Variants in NR4A2 observed in about 807,000 individuals in gnomAD.
NR4A2 encodes NGFI-B/nur77 beta-type transcription factor homolog.
In NR4A2, 1 loss-of-function variant was observed where a neutral mutation model predicts 50.5. The observed-to-expected ratio is 0.02, with a 90% CI of 0.01 to 0.09. NR4A2 has a LOEUF of 0.09. NR4A2 is among the 10% of genes least tolerant of loss of function. NR4A2 has a pLI of 1.00. For synonymous variants in NR4A2, 328 were observed against 309.4 expected (o/e 1.06, Z -0.63); for missense variants, 613 against 777.3 (o/e 0.79, Z 2.51).
chr2:156,329,175 C>G lies in NR4A2; in HGVS notation c.864+148G>C. The G allele has an allele frequency of 8.5e-7, 1 of 1,180,318 alleles. No individual in the cohort carries two copies. The highest frequency in any genetic ancestry group is 1.2e-6 in the Non-Finnish European group (1 of 825,528). The allele number at this position is 1,180,318 out of a possible 1,614,324, so 73.1% of individuals were successfully genotyped here. A position where few individuals can be genotyped will look rare whatever the true frequency, so the allele number is the denominator to read the frequency against. On this transcript the variant is annotated intron_variant, in intron 3 of 7. Transcript: ENST00000339562. The surrounding 1 kb of genome is among the most constrained non-coding windows in gnomAD (Gnocchi z 7.5). ...AGTCCCCGCCGCAGCCCATGGTCTC[C>G]TGCAGGGCAGCTTCGGCGGACCCCG...
Position 156,326,615 on chromosome 2 carries a change from T to C in NR4A2, c.1361+103A>G, listed in dbSNP as rs1553456009. The C allele has an allele frequency of 2.3e-6, 3 of 1,285,658 alleles. No individual in the cohort carries two copies. The highest frequency in any genetic ancestry group is 2.3e-5 in the East Asian group (1 of 43,418). The allele number at this position is 1,285,658 out of a possible 1,614,324, so 79.6% of individuals were successfully genotyped here. The stretch of plus-strand genomic sequence containing the variant: ...TCTCCGACTTCCATTTCCTATTCTG[T>C]CTTTTTCTCTACCCCACCCTCTGGT... On this transcript the variant is annotated intron_variant, in intron 6 of 7. Transcript: ENST00000339562. The surrounding 1 kb of genome is among the most constrained non-coding windows in gnomAD (Gnocchi z 4.2).
intron 5 of NR4A2, 81 bp downstream of exon 5, chr2:156,327,770 G>C: frequency 6.6e-7 from 1 of 1,515,262 alleles, no homozygotes; most frequent in Non-Finnish European, 9.0e-7. Flanking sequence ...CGTTGAATCT[G>C]AGAGTTAATG....
At position 156,327,924 on chromosome 2, in the gene NR4A2, A is replaced by T; in HGVS notation, c.1085T>A (p.Val362Glu). 1.3e-6 allele frequency: 2 copies of T among 1,595,476 alleles called. No homozygotes were observed. The highest frequency in any genetic ancestry group is 1.7e-6 in the Non-Finnish European group (2 of 1,170,182). The change falls in exon 5 of 8, where the codon GTG becomes GAG. Residue 362 changes from valine to glutamate, a missense_variant. Transcript: ENST00000339562. ...PQEPSPPSPP[V>E]SLISALVRAH... The stretch of plus-strand genomic sequence containing the variant: ...CCTGACGAGGGCACTGATCAGACTC[A>T]CCGGGGGCGAAGGGGGAGAGGGCTC...
Position 156,329,843 on chromosome 2 carries a change from G to C in NR4A2, c.344C>G (p.Pro115Arg). The C allele has an allele frequency of 6.2e-7, 1 of 1,614,170 alleles. No homozygotes were observed. Among genetic ancestry groups the C allele is most frequent in the Non-Finnish European group, 8.5e-7 (1 of 1,180,024 alleles). The part of the protein sequence containing the change: ...HLPPQSEEMM[P>R]HSGSVYYKPS... ...CTTGTAGTAAACCGACCCGGAGTGC[G>C]GCATCATCTCCTCAGACTGGGGGGG... Residue 115 changes from proline (P) to arginine (R), a missense_variant, in exon 3 of 8, where the codon CCG (proline) becomes CGG (arginine). Physicochemically the swap from Pro to Arg is moderately radical, Grantham distance 103. Around this residue, in one of 4 missense-constraint regions of NR4A2, gnomAD observed 275 missense variants for 248.9 expected, o/e 1.10. Coordinates refer to ENST00000339562, the MANE Select transcript of NR4A2 (RefSeq NM_006186.4). The surrounding 1 kb of genome is among the most constrained non-coding windows in gnomAD (Gnocchi z 7.5).
rs886054978 is a variant in NR4A2 at position 156,325,906 on chromosome 2, C to T, written c.1635G>A (p.Gly545=). ...TGGACAAATAATTGGGGCGGTTCAA[C>T]CCCCCATTGTTGAAAGTCACGTGGT... ...LKDHVTFNNG[G]LNRPNYLSKL... The change falls in exon 8 of 8, where the codon GGG becomes GGA. Residue 545 remains glycine, a synonymous_variant. Transcript: ENST00000339562. 1.2e-6 allele frequency: 2 copies of T among 1,614,194 alleles called. No homozygotes were observed. The highest frequency in any genetic ancestry group is 1.3e-5 in the African/African-American group (1 of 75,048).
rs1287082907 is a variant in NR4A2 at position 156,329,284 on chromosome 2, G to A, written c.864+39C>T. ...ACACTCCGAGGTCCCGGGCACTAGG[G>A]GCTCCCTACCTGCCTACTCCGCTCC... On this transcript the variant is annotated intron_variant, in intron 3 of 7. Coordinates refer to ENST00000339562, the MANE Select transcript of NR4A2 (RefSeq NM_006186.4). This position sits in a 1 kb window ranked among gnomAD's most constrained non-coding sequence, Gnocchi z 7.5. The A allele has an allele frequency of 6.3e-7, 1 of 1,593,524 alleles. No individual in the cohort carries two copies. The highest frequency in any genetic ancestry group is 1.7e-5 in the Admixed American group (1 of 57,404).
rs1686632001 is a variant in NR4A2 at position 156,326,143 on chromosome 2, T to C, written c.1540+7A>G. 6.2e-7 allele frequency: 1 copy of C among 1,614,200 alleles called. No individual in the cohort carries two copies. The highest frequency in any genetic ancestry group is 1.3e-5 in the African/African-American group (1 of 75,054). ...GAGGGGAAGCGCCCTGCGCCTGCAG[T>C]ACTGACCTGTGACCATAGCCAGGGC... On this transcript the variant is annotated splice_region_variant and intron_variant, in intron 7 of 7. Coordinates refer to ENST00000339562, the MANE Select transcript of NR4A2 (RefSeq NM_006186.4). The surrounding 1 kb of genome is among the most constrained non-coding windows in gnomAD (Gnocchi z 4.2).
chr2:156,332,438 A>G, intron 1 of NR4A2, 42 bp downstream of exon 1: 5 of 1,281,282 alleles, frequency 3.9e-6, no homozygotes, highest in Non-Finnish European at 5.1e-6. Flanking sequence ...AAGAAGGAAA[A>G]AGCATAAAAG....
In NR4A2 at chr2:156,326,439, A is replaced by T; in HGVS notation, c.1362-111T>A. The T allele has an allele frequency of 1.9e-6, 2 of 1,062,210 alleles. No individual in the cohort carries two copies. The highest frequency in any genetic ancestry group is 3.8e-5 in the Admixed American group (2 of 53,086). The allele number at this position is 1,062,210 out of a possible 1,614,324, so 65.8% of individuals were successfully genotyped here. A position where few individuals can be genotyped will look rare whatever the true frequency, so the allele number is the denominator to read the frequency against. ...GGATTTAAGAGTCACCTAATTACTGAAGAGTTAATAAAATGTAGACCAGTG... is the reference window on the plus strand; with the variant it reads ...GGATTTAAGAGTCACCTAATTACTGTAGAGTTAATAAAATGTAGACCAGTG... On this transcript the variant is annotated intron_variant, in intron 6 of 7. Transcript: ENST00000339562. The surrounding 1 kb of genome is among the most constrained non-coding windows in gnomAD (Gnocchi z 4.2).
Position 156,326,790 on chromosome 2 carries a change from A to C in NR4A2, c.1289T>G (p.Leu430Arg). ...AAGCAGGTCTTGGTCGGCTTTGGGCAGGTCTGCGAAGCCAGGGATCTTCTC... is the reference window on the plus strand; with the variant it reads ...AAGCAGGTCTTGGTCGGCTTTGGGCCGGTCTGCGAAGCCAGGGATCTTCTC... ...WAEKIPGFAD[L>R]PKADQDLLFE... The change falls in exon 6 of 8, where the codon CTG (leucine) becomes CGG (arginine). Residue 430 changes from leucine (L) to arginine (R), a missense_variant. Leu to Arg is a moderately radical substitution (Grantham distance 102). This residue lies in a region of NR4A2 where 250 missense variants were observed against 311.3 expected (regional missense o/e 0.80). Transcript: ENST00000339562. This position sits in a 1 kb window ranked among gnomAD's most constrained non-coding sequence, Gnocchi z 4.2. 6.2e-7 allele frequency: 1 copy of C among 1,614,228 alleles called. No homozygotes were observed. The highest frequency in any genetic ancestry group is 2.2e-5 in the East Asian group (1 of 44,884).
At position 156,327,973 on chromosome 2, in the gene NR4A2, G is replaced by A. The variant is rs2105602573; in HGVS notation, c.1036C>T (p.Pro346Ser). 1 of 1,603,478 alleles carries A rather than the reference G, an allele frequency of 6.2e-7. No homozygotes were observed. The highest frequency in any genetic ancestry group is 8.5e-7 in the Non-Finnish European group (1 of 1,174,394). Reference protein sequence around the residue: ...DSLKGRRGRLPSKPKSPQEPS... With the variant: ...DSLKGRRGRLSSKPKSPQEPS... ...TCCTGTGGGCTCTTCGGTTTCGAGG[G>A]CAAACGACCTCTCCGGCCTTTTAAA... Residue 346 changes from proline (P) to serine (S), a missense_variant, in exon 5 of 8, where the codon CCC (proline) becomes TCC (serine). Physicochemically the swap from Pro to Ser is moderately conservative, Grantham distance 74. This residue lies in a region of NR4A2 where 27 missense variants were observed against 120.7 expected (regional missense o/e 0.22). Transcript: ENST00000339562.
rs771391809 is a variant in NR4A2, at chr2:156,330,018, G to A, written c.169C>T (p.Leu57Phe). Residue 57 changes from leucine to phenylalanine, a missense_variant, in exon 3 of 8, where the codon CTC (leucine) becomes TTC (phenylalanine). By Grantham distance (22) the Leu-to-Phe change is conservative. Transcript: ENST00000339562. The stretch of plus-strand genomic sequence containing the variant: ...TCCATAAAGGTACTGAAGCTGGGGA[G>A]AGAAGTGGTGGCAGTGATTTCAGTG... ...TNTEITATTS[L>F]PSFSTFMDNY... 2.5e-6 allele frequency: 4 copies of A among 1,614,092 alleles called. 1 individual carries two copies. In the Admixed American group the frequency reaches 5.0e-5, roughly 20 times the overall value.
At position 156,326,818 on chromosome 2, in the gene NR4A2, C is replaced by A. The variant is rs141442433; in HGVS notation, c.1261G>T (p.Ala421Ser). The A allele has an allele frequency of 6.2e-7, 1 of 1,614,226 alleles. No homozygotes were observed. Among genetic ancestry groups the A allele is most frequent in the Non-Finnish European group, 8.5e-7 (1 of 1,180,046 alleles). The stretch of plus-strand genomic sequence containing the variant: ...TCTGCGAAGCCAGGGATCTTCTCTG[C>A]CCAGCCCCGGATGATCTCCATGGAG... ...TGSMEIIRGW[A>S]EKIPGFADLP... Residue 421 changes from alanine to serine, a missense_variant, in exon 6 of 8, where the codon GCA (alanine) becomes TCA (serine). Ala to Ser is a moderately conservative substitution (Grantham distance 99, BLOSUM62 1). Transcript: ENST00000339562. This position sits in a 1 kb window ranked among gnomAD's most constrained non-coding sequence, Gnocchi z 4.2.
Position 156,325,876 on chromosome 2 carries a change from C to T in NR4A2, c.1665G>A (p.Leu555=). The change falls in exon 8 of 8, where the codon CTG becomes CTA. Residue 555 remains leucine, a synonymous_variant. Coordinates refer to ENST00000339562, the MANE Select transcript of NR4A2 (RefSeq NM_006186.4). ...GLNRPNYLSK[L]LGKLPELRTL... ...TACGAAGTTCTGGGAGCTTCCCCAA[C>T]AGTTTGGACAAATAATTGGGGCGGT... The T allele has an allele frequency of 1.2e-6, 2 of 1,614,210 alleles. No individual in the cohort carries two copies. The highest frequency in any genetic ancestry group is 1.7e-6 in the Non-Finnish European group (2 of 1,180,040).
chr2:156,326,903 G>A lies in NR4A2; in HGVS notation c.1176C>T (p.Asp392=). ...LDYSRFQANP[D]YQMSGDDTQH... is the part of the protein sequence containing the mutation. Reference sequence around the variant, plus strand: ...GGGTGTCATCTCCACTCATTTGATAGTCAGGGTTCGCCTGGAACTGGAATT... The same window carrying A: ...GGGTGTCATCTCCACTCATTTGATAATCAGGGTTCGCCTGGAACTGGAATT... Residue 392 remains aspartate (D), a synonymous_variant, in exon 6 of 8, where the codon GAC becomes GAT. Coordinates refer to ENST00000339562, the MANE Select transcript of NR4A2 (RefSeq NM_006186.4). This position sits in a 1 kb window ranked among gnomAD's most constrained non-coding sequence, Gnocchi z 4.2. 6.2e-7 allele frequency: 1 copy of A among 1,614,186 alleles called. No individual in the cohort carries two copies. The highest frequency in any genetic ancestry group is 1.1e-5 in the South Asian group (1 of 91,086).
In NR4A2 at chr2:156,329,680, T is replaced by G; in HGVS notation, c.507A>C (p.Pro169=). The G allele has an allele frequency of 6.2e-7, 1 of 1,613,958 alleles. No individual in the cohort carries two copies. The highest frequency in any genetic ancestry group is 8.5e-7 in the Non-Finnish European group (1 of 1,179,910). ...TTHMIEQRKT[P]VSRLSLFSFK... ...AGGAGAAGAGGGAGAGGCGGGAGAC[T>G]GGCGTTTTCCTCTGCTCGATCATGT... The change falls in exon 3 of 8, where the codon CCA becomes CCC. Residue 169 remains proline, a synonymous_variant. Coordinates refer to ENST00000339562, the MANE Select transcript of NR4A2 (RefSeq NM_006186.4). The surrounding 1 kb of genome is among the most constrained non-coding windows in gnomAD (Gnocchi z 7.5).
Position 156,326,675 on chromosome 2 carries a change from C to T in NR4A2, c.1361+43G>A. 1 of 1,584,140 alleles carries T rather than the reference C, an allele frequency of 6.3e-7. No individual in the cohort carries two copies. Among genetic ancestry groups the T allele is most frequent in the East Asian group, 2.2e-5 (1 of 44,648 alleles). The stretch of plus-strand genomic sequence containing the variant: ...TCCCTTTCTTTTCCTTTCTTGATTT[C>T]TCTCACAGCCTCCCTGGATTGTCTC... On this transcript the variant is annotated intron_variant, in intron 6 of 7. Coordinates refer to ENST00000339562, the MANE Select transcript of NR4A2 (RefSeq NM_006186.4). The surrounding 1 kb of genome is among the most constrained non-coding windows in gnomAD (Gnocchi z 4.2).
intron 5 of NR4A2, 107 bp downstream of exon 5, chr2:156,327,744 T>C: frequency 7.2e-7 from 1 of 1,395,600 alleles, no homozygotes; most frequent in East Asian, 2.5e-5. Flanking sequence ...ACAGCCTTGC[T>C]TGCCTTCTTT....
chr2:156,325,076 T>C lies in NR4A2; in HGVS notation c.*668A>G, dbSNP rs1686578381. 6.5e-6 allele frequency: 1 copy of C among 153,058 alleles called. No homozygotes were observed. Among genetic ancestry groups the C allele is most frequent in the Admixed American group, 6.5e-5 (1 of 15,338 alleles). 9.5% of individuals were successfully genotyped at this position (153,058 alleles called of 1,614,324 possible). ...AGAATCAACATGCTTGTCCCTTTTT[T>C]ATGTATTTATTTTCTTTTTTTTTGC... On this transcript the variant is annotated 3_prime_UTR_variant, in exon 8 of 8. Transcript: ENST00000339562.
Sources: gnomAD v4.1 joint callset for allele counts on GRCh38, gnomAD v4.1.1 for gene constraint, gnomAD v4.1.1 regional missense constraint, Gnocchi (gnomAD v3.1) non-coding constraint, MANE v1.5 for transcripts, NCBI Gene and HGNC (gene_info 2026-07-23, HGNC 2026-07-21) for gene names.